CASD1: variants seen among roughly 807,000 people sequenced by gnomAD.
CASD1 encodes the protein N-acetylneuraminate (7)9-O-acetyltransferase.
CASD1 carries 41 observed loss-of-function variants against 100.0 expected under a neutral mutation model. That is an observed-to-expected ratio of 0.41 (90% confidence interval 0.32 to 0.53). The LOEUF (loss-of-function observed/expected upper bound fraction) is 0.53. Ranked by LOEUF, CASD1 falls within the 20% of genes least tolerant of loss-of-function variation. The pLI is 0.25. For synonymous variants in CASD1, 321 were observed against 315.6 expected, an observed-to-expected ratio of 1.02 and a Z score of -0.18; for missense variants, 774 against 948.7, an observed-to-expected ratio of 0.82 and a Z score of 2.42.
chr7:94,585,333 A>G, the CASD1 span: 1 of 563,910 alleles, frequency 1.8e-6, no homozygotes, highest in South Asian at 3.5e-5. Context: ...AAAAAAATAC[A>G]TTAGTAAAAT....
chr7:94,615,415 TA>T, the CASD1 span, among the ~76,000 whole-genome samples: 3 of 129,948 alleles, frequency 2.3e-5, no homozygotes, highest in African/African-American at 8.6e-5. Flanking sequence ...GATAGATAGA[TA>T]GATAGATAAA....
At chr7:94,586,157 T>A in the CASD1 span, among the ~76,000 whole-genome samples, 1 of 150,406 alleles carries the variant, frequency 6.6e-6, no homozygotes, top group Non-Finnish European at 1.5e-5. Context: ...TTACTTGGTA[T>A]CCAAGACGCA....
the CASD1 span, chr7:94,623,359 C>A: frequency 3.3e-5 from 53 of 1,605,294 alleles, no homozygotes; most frequent in African/African-American, 7.1e-4. Flanking sequence ...TCAAATTATG[C>A]CTTGCAGTCT....
the CASD1 span, among the ~76,000 whole-genome samples, chr7:94,586,055 C>A: frequency 1.8e-4 from 1 of 5,578 alleles, no homozygotes; most frequent in African/African-American, 9.0e-4. Context: ...AAACAAGGAA[C>A]TAAATGAAAA....
intron 1 of CASD1, among the ~76,000 whole-genome samples, chr7:94,516,716 G>A (rs1793994907): frequency 6.7e-6 from 1 of 149,702 alleles, no homozygotes; most frequent in Admixed American, 6.7e-5. Context: ...TGTATATTTA[G>A]CTAATGTACA....
intron 5 of CASD1, among the ~76,000 whole-genome samples, chr7:94,528,815 A>T (rs1794706265): frequency 6.6e-6 from 1 of 152,186 alleles, no homozygotes; most frequent in Admixed American, 6.5e-5. Context: ...AGTAGTTTCC[A>T]TACAGTCTGT....
the CASD1 span, among the ~76,000 whole-genome samples, chr7:94,579,267 T>G: frequency 1.3e-5 from 2 of 151,688 alleles, no homozygotes. Context: ...CTAGGCCAGT[T>G]TATCTCAATC....
intron 10 of CASD1, among the ~76,000 whole-genome samples, chr7:94,541,022 C>G (rs1795365636): frequency 6.6e-6 from 1 of 152,006 alleles, no homozygotes; most frequent in African/African-American, 2.4e-5. Flanking sequence ...AATATATCTT[C>G]TTATACTGCA....
chr7:94,514,882 TAAC>T (rs532677366), intron 1 of CASD1, among the ~76,000 whole-genome samples: 31 of 152,106 alleles, frequency 2.0e-4, no homozygotes, highest in Non-Finnish European at 4.3e-4. Flanking sequence ...CAATTGAAAA[TAAC>T]AACCGAAGTT....
chr7:94,545,746 C>A (rs766666587), intron 12 of CASD1, 45 bp downstream of exon 12: 7 of 1,323,662 alleles, frequency 5.3e-6, no homozygotes, highest in African/African-American at 1.5e-5. Context: ...ATTTTTTCAA[C>A]GTGTGAAATT....
the CASD1 span, chr7:94,621,304 CACAAAAAGCAGAGGA>C: frequency 6.6e-6 from 1 of 152,242 alleles, no homozygotes; most frequent in Non-Finnish European, 1.5e-5. Context: ...ACTAACCCTA[CACAAAAAGCAGAGGA>C]ACAAGCACTG....
chr7:94,531,326 A>C (rs1001407788), intron 5 of CASD1, among the ~76,000 whole-genome samples: 4 of 152,148 alleles, frequency 2.6e-5, no homozygotes, highest in African/African-American at 9.7e-5. Context: ...GAATAGGGAC[A>C]TATTTTCTTT....
the CASD1 span, chr7:94,587,372 A>G: frequency 9.4e-7 from 1 of 1,060,926 alleles, no homozygotes; most frequent in South Asian, 4.5e-5. Context: ...CTGTTTTTCT[A>G]GAAATTGCCT....
chr7:94,575,617 G>C, the CASD1 span, among the ~76,000 whole-genome samples: 1 of 152,182 alleles, frequency 6.6e-6, no homozygotes, highest in Non-Finnish European at 1.5e-5. Flanking sequence ...CTGCGTCAGT[G>C]ATCTGTCTAA....
chr7:94,599,237 A>C, the CASD1 span: 1 of 325,494 alleles, frequency 3.1e-6, no homozygotes, highest in East Asian at 5.8e-5. Flanking sequence ...TAAGTAACCA[A>C]CTAGTTTTCT....
intron 3 of CASD1, among the ~76,000 whole-genome samples, chr7:94,521,805 G>A (rs1376729348): frequency 6.6e-6 from 1 of 152,274 alleles, no homozygotes; most frequent in East Asian, 1.9e-4. Flanking sequence ...AGATGGTAAA[G>A]CCAGGCACGG....
At chr7:94,606,522 A>T in the CASD1 span, among the ~76,000 whole-genome samples, 1 of 152,216 alleles carries the variant, frequency 6.6e-6, no homozygotes, top group Admixed American at 6.5e-5. Context: ...TGAATCCACT[A>T]TTATAGCTGG....
intron 8 of CASD1, among the ~76,000 whole-genome samples, chr7:94,536,784 G>GA (rs1562941878): frequency 1.3e-5 from 2 of 152,114 alleles, no homozygotes; most frequent in Non-Finnish European, 2.9e-5. Flanking sequence ...GAGTTTGACT[G>GA]AATCTTCAAC....
the CASD1 span, chr7:94,600,404 G>C: frequency 1.5e-5 from 7 of 457,848 alleles, no homozygotes; most frequent in Non-Finnish European, 2.0e-5. Flanking sequence ...TGTTTTGCCA[G>C]TGTGAATTTA....
Sources: gnomAD v4.1 joint callset for allele counts (sites outside exome capture counted in the v4.1 genomes callset) on GRCh38, gnomAD v4.1.1 for gene constraint, MANE v1.5 for transcripts, NCBI Gene and HGNC (gene_info 2026-07-23, HGNC 2026-07-21) for gene names.